Variants in PSG9 observed in about 807,000 individuals in gnomAD.
PSG9 encodes the protein pregnancy specific beta-1-glycoprotein 9.
In PSG9, 49 loss-of-function variants were observed where a neutral mutation model predicts 41.9. The ratio of observed to expected loss-of-function variants is 1.17; its 90% confidence interval spans 0.93 to 1.48. PSG9 has a LOEUF of 1.48. PSG9 is among the 40% of genes most tolerant of loss of function. The pLI, the probability that PSG9 is intolerant of heterozygous loss-of-function variation, is 0.00. For synonymous variants in PSG9, 263 were observed against 196.8 expected (o/e 1.34, Z -2.82); for missense variants, 641 against 520.3 (o/e 1.23, Z -2.26).
intron 5 of PSG9, among the ~76,000 whole-genome samples, chr19:43,254,125 T>A (rs1014450337): frequency 6.9e-6 from 1 of 145,636 alleles, no homozygotes; most frequent in Non-Finnish European, 1.5e-5. Context: ...TGGAAAAAGG[T>A]AGGTACTGTT....
At chr19:43,265,758 G>A (rs558869547) in intron 2 of PSG9, among the ~76,000 whole-genome samples, 39 of 152,254 alleles carry the variant, frequency 2.6e-4, no homozygotes, top group African/African-American at 9.1e-4. Flanking sequence ...GCAATTATGA[G>A]TGGATGGAGG....
chr19:43,257,500 C>A (rs529235076), intron 5 of PSG9: 1 of 977,752 alleles, frequency 1.0e-6, no homozygotes, highest in Non-Finnish European at 1.2e-6. Flanking sequence ...TGCCCAAAGC[C>A]TCATACAGCT....
At chr19:43,267,664 C>T (rs946282829) in intron 2 of PSG9, 120 bp downstream of exon 2, 3 of 1,530,296 alleles carry the variant, frequency 2.0e-6, no homozygotes, top group Non-Finnish European at 2.7e-6. Flanking sequence ...TGCCCAAACC[C>T]CAGCATGGGA....
rs139975660 is a variant in PSG9 at position 43,263,429 on chromosome 19, G to A, written c.431-1291C>T. Reference sequence around the variant, plus strand: ...AATTTAAAATCCACAATGCGCCAGTGAGCACTTCTTTTTAGCATCACATCA... The same window carrying A: ...AATTTAAAATCCACAATGCGCCAGTAAGCACTTCTTTTTAGCATCACATCA... On this transcript the variant is annotated intron_variant, in intron 2 of 5. Coordinates refer to ENST00000270077, the MANE Select transcript of PSG9 (RefSeq NM_002784.5). Among the ~76,000 whole-genome samples, 221 of 152,186 alleles carry A rather than the reference G, an allele frequency of 1.5e-3. 5 individuals carry two copies. In the East Asian group the frequency reaches 0.04, roughly 27 times the overall value.
Position 43,257,972 on chromosome 19 carries a change from C to T in PSG9, c.1243+230G>A. 2.1e-6 allele frequency: 3 copies of T among 1,461,016 alleles called. 1 individual carries two copies. Among genetic ancestry groups the T allele is most frequent in the Non-Finnish European group, 9.0e-7 (1 of 1,112,932 alleles). The allele number at this position is 1,461,016 out of a possible 1,614,324, so 90.5% of individuals were successfully genotyped here. ...CACATAGGGCTCAGGGCTGATAAAG[C>T]CCCCTCCCTACCTTTTTCAGGCCAG... On this transcript the variant is annotated intron_variant, in intron 5 of 5. Transcript: ENST00000270077.
In PSG9 at chr19:43,253,829, C is replaced by T. The variant is rs1259358889; in HGVS notation, c.1244-183G>A. Among the ~76,000 whole-genome samples the T allele has an allele frequency of 1.4e-5, 2 of 146,522 alleles. 1 individual carries two copies. Among genetic ancestry groups the T allele is most frequent in the Non-Finnish European group, 3.0e-5 (2 of 67,376 alleles). ...ATCAGCCTTGCAAATACTCTTAGAA[C>T]TGCATTGGTACCTAAAACTTCTTTC... On this transcript the variant is annotated intron_variant, in intron 5 of 5. Coordinates refer to ENST00000270077, the MANE Select transcript of PSG9 (RefSeq NM_002784.5).
rs143881826 is a variant in PSG9 at position 43,258,259 on chromosome 19, C to G, written c.1186G>C (p.Val396Leu). 3.3e-5 allele frequency: 52 copies of G among 1,592,794 alleles called. 6 individuals carry two copies. In the African/African-American group the frequency reaches 5.7e-4, roughly 17 times the overall value. ...RNHSGLYACS[V>L]HNSATGKEIS... The stretch of plus-strand genomic sequence containing the variant: ...TCCTTGCCAGTGGCTGAGTTATGAA[C>G]AGAGCAAGCATAGAGCCCGCTATGA... Residue 396 changes from valine to leucine, a missense_variant, in exon 5 of 6, where the codon GTT becomes CTT. By Grantham distance (32) the Val-to-Leu change is conservative. Coordinates refer to ENST00000270077, the MANE Select transcript of PSG9 (RefSeq NM_002784.5).
chr19:43,257,945 A>G, intron 5 of PSG9: 2 of 1,429,138 alleles, frequency 1.4e-6, no homozygotes, highest in African/African-American at 1.5e-5. Flanking sequence ...AGCCTCTTCT[A>G]CCACATAGGG....
At chr19:43,264,100 C>A (rs1363832341) in intron 2 of PSG9, among the ~76,000 whole-genome samples, 1 of 151,998 alleles carries the variant, frequency 6.6e-6, no homozygotes, top group East Asian at 1.9e-4. Context: ...AGAACTCCAA[C>A]TTATGAAAAT....
At chr19:43,263,085 T>C (rs889283631) in intron 2 of PSG9, among the ~76,000 whole-genome samples, 4 of 152,180 alleles carry the variant, frequency 2.6e-5, no homozygotes, top group African/African-American at 7.2e-5. Context: ...CTTTCTCTCA[T>C]TGGACATTCT....
Position 43,268,386 on chromosome 19 carries a change from C to G in PSG9, c.65-237G>C, listed in dbSNP as rs189195921. Among the ~76,000 whole-genome samples, 163 of 152,280 alleles carry G rather than the reference C, an allele frequency of 1.1e-3. 3 individuals carry two copies. The highest frequency in any genetic ancestry group is 0.01 in the Admixed American group (159 of 15,306). On this transcript the variant is annotated intron_variant, in intron 1 of 5. Transcript: ENST00000270077. ...CATGACCCCCATTCCTTCAACACTTCTGACCTTGGCATTTTTCTGTTTGGA... is the reference window on the plus strand; with the variant it reads ...CATGACCCCCATTCCTTCAACACTTGTGACCTTGGCATTTTTCTGTTTGGA...
chr19:43,266,300 C>T (rs1242515950), intron 2 of PSG9, among the ~76,000 whole-genome samples: 3 of 151,974 alleles, frequency 2.0e-5, no homozygotes, highest in African/African-American at 7.3e-5. Flanking sequence ...ACGTGGGTGT[C>T]AGCCTCTGAA....
intron 2 of PSG9, among the ~76,000 whole-genome samples, chr19:43,264,734 G>A (rs545196771): frequency 6.6e-6 from 1 of 152,174 alleles, no homozygotes; most frequent in East Asian, 1.9e-4. Flanking sequence ...TTATAGGCTT[G>A]AGCCACTGAG....
In PSG9 at chr19:43,266,976, C is replaced by T. The variant is rs1232474600; in HGVS notation, c.430+808G>A. Among the ~76,000 whole-genome samples the T allele has an allele frequency of 2.6e-5, 4 of 152,288 alleles. No individual in the cohort carries two copies. In the East Asian group the frequency reaches 7.7e-4, roughly 29 times the overall value. The stretch of plus-strand genomic sequence containing the variant: ...CACAGTCACCTGACCTAATGCTTGG[C>T]ACAGTGGAGGTTTCACACAAGCAGC... On this transcript the variant is annotated intron_variant, in intron 2 of 5. Transcript: ENST00000270077.
Position 43,269,519 on chromosome 19 carries a change from TC to T in PSG9, c.-89del. On this transcript the variant is annotated 5_prime_UTR_variant, in exon 1 of 6. Transcript: ENST00000270077. Reference sequence around the variant, plus strand: ...GCACGGCTGTCAGCTGTGCTGTCCTTCCTCCTTCTGTGCTGAGCCTCTTCCC... The same window carrying T: ...GCACGGCTGTCAGCTGTGCTGTCCTTCTCCTTCTGTGCTGAGCCTCTTCCC... 5.7e-6 allele frequency: 9 copies of T among 1,573,182 alleles called. No homozygotes were observed. The highest frequency in any genetic ancestry group is 7.8e-6 in the Non-Finnish European group (9 of 1,150,708).
intron 2 of PSG9, among the ~76,000 whole-genome samples, chr19:43,267,035 CT>C (rs1483186172): frequency 6.6e-6 from 1 of 152,134 alleles, no homozygotes; most frequent in Non-Finnish European, 1.5e-5. Context: ...GAGAAAGCAC[CT>C]TATGTCAGAT....
chr19:43,258,368 G>A lies in PSG9; in HGVS notation c.1077C>T (p.Asn359=). 6.3e-7 allele frequency: 1 copy of A among 1,592,904 alleles called. No individual in the cohort carries two copies. The change falls in exon 5 of 6, where the codon AAC becomes AAT. Residue 359 remains asparagine, a synonymous_variant. Coordinates refer to ENST00000270077, the MANE Select transcript of PSG9 (RefSeq NM_002784.5). Reference sequence around the variant, plus strand: ...TTGTCCAAAAATACTCTGCCGGTGGGTTAGATTCCGTGAAGCAGGACAAGT... The same window carrying A: ...TTGTCCAAAAATACTCTGCCGGTGGATTAGATTCCGTGAAGCAGGACAAGT... ...NLDLSCFTES[N]PPAEYFWTIN...
At chr19:43,264,333 CA>C (rs1968865303) in intron 2 of PSG9, among the ~76,000 whole-genome samples, 1 of 152,144 alleles carries the variant, frequency 6.6e-6, no homozygotes, top group Non-Finnish European at 1.5e-5. Flanking sequence ...TTTTCTTCCC[CA>C]CTTTTTTTGA....
At position 43,258,301 on chromosome 19, in the gene PSG9, G is replaced by A. The variant is rs536633855; in HGVS notation, c.1144C>T (p.Pro382Ser). 3.8e-6 allele frequency: 6 copies of A among 1,592,562 alleles called. No homozygotes were observed. The highest frequency in any genetic ancestry group is 5.1e-6 in the Non-Finnish European group (6 of 1,174,420). Residue 382 changes from proline to serine, a missense_variant, in exon 5 of 6, where the codon CCC (proline) becomes TCC (serine). Pro to Ser is a moderately conservative substitution (Grantham distance 74, BLOSUM62 -1). Transcript: ENST00000270077. Reference protein sequence around the residue: ...FQQSGQKLFIPQITRNHSGLY... With the variant: ...FQQSGQKLFISQITRNHSGLY... ...CCGCTATGATTTCTAGTAATTTGGGGGATAAAGAGCTTTTGTCCTGATTGC... is the reference window on the plus strand; with the variant it reads ...CCGCTATGATTTCTAGTAATTTGGGAGATAAAGAGCTTTTGTCCTGATTGC...
Sources: gnomAD v4.1 joint callset for allele counts (sites outside exome capture counted in the v4.1 genomes callset) on GRCh38, gnomAD v4.1.1 for gene constraint, MANE v1.5 for transcripts, NCBI Gene and HGNC (gene_info 2026-07-23, HGNC 2026-07-21) for gene names.